GAN: variants seen among roughly 807,000 people sequenced by gnomAD.
GAN encodes epididymis secretory sperm binding protein.
In GAN, 48 loss-of-function variants were observed where a neutral mutation model predicts 71.3. The ratio of observed to expected loss-of-function variants is 0.67; its 90% CI spans 0.53 to 0.86. GAN has a LOEUF of 0.86. Ranked by LOEUF, GAN falls within the 40% of genes least tolerant of loss-of-function variation. The pLI is 0.00. For synonymous variants in GAN, 386 were observed against 276.8 expected, an observed-to-expected ratio of 1.39 and a Z score of -3.92; for missense variants, 928 against 770.1, an observed-to-expected ratio of 1.21 and a Z score of -2.43.
intron 9 of GAN, among the ~76,000 whole-genome samples, chr16:81,367,495 C>T (rs949669487): frequency 6.6e-6 from 1 of 152,168 alleles, no homozygotes; most frequent in African/African-American, 2.4e-5. Flanking sequence ...TGTCACTGCA[C>T]TCCAGCCTGG....
Position 81,379,226 on chromosome 16 carries a change from C to G in GAN, c.*1630C>G, listed in dbSNP as rs949148432. The G allele has an allele frequency of 6.6e-6, 1 of 152,068 alleles. No homozygotes were observed. The highest frequency in any genetic ancestry group is 2.4e-5 in the African/African-American group (1 of 41,408). 9.4% of individuals were successfully genotyped at this position (152,068 alleles called of 1,614,324 possible). On this transcript the variant is annotated 3_prime_UTR_variant, in exon 11 of 11. Transcript: ENST00000648994. ...TCACTTACGTTCTCCCACCCATAGA[C>G]ATAAAAAAGGGTGACCTGTGATTTT...
intron 1 of GAN, among the ~76,000 whole-genome samples, chr16:81,331,299 G>A (rs1909569024): frequency 6.6e-6 from 1 of 152,164 alleles, no homozygotes; most frequent in African/African-American, 2.4e-5. Flanking sequence ...AAGGAAGGAA[G>A]GACAAACTGT....
chr16:81,384,334 C>T lies in GAN; in HGVS notation c.*6738C>T, dbSNP rs895431949. The T allele has an allele frequency of 1.3e-5, 2 of 150,968 alleles. No individual in the cohort carries two copies. Among genetic ancestry groups the T allele is most frequent in the African/African-American group, 4.9e-5 (2 of 41,132 alleles). 9.4% of individuals were successfully genotyped at this position (150,968 alleles called of 1,614,324 possible). A position where few individuals can be genotyped will look rare whatever the true frequency, so the allele number is the denominator to read the frequency against. ...AAAAAAAAGAAAAGAAAAAAAAGCA[C>T]TTACAACCAGGAGGAATAATAATTC... On this transcript the variant is annotated 3_prime_UTR_variant, in exon 11 of 11. Transcript: ENST00000648994.
chr16:81,317,802 A>C (rs574186639), intron 1 of GAN, among the ~76,000 whole-genome samples: 2 of 152,368 alleles, frequency 1.3e-5, no homozygotes, highest in African/African-American at 2.4e-5. Context: ...AATGTTTATC[A>C]AGCACTTTTA....
chr16:81,329,927 T>TC (rs1163358621), intron 1 of GAN, among the ~76,000 whole-genome samples: 1 of 152,020 alleles, frequency 6.6e-6, no homozygotes, highest in East Asian at 1.9e-4. Context: ...CCTAGCTCCC[T>TC]CCCCCAGCCA....
At chr16:81,348,472 T>G (rs530598786) in intron 1 of GAN, among the ~76,000 whole-genome samples, 12 of 152,332 alleles carry the variant, frequency 7.9e-5, no homozygotes, top group African/African-American at 2.9e-4. Flanking sequence ...TTTGCTTGAT[T>G]TTAAGAGCAG....
chr16:81,328,863 A>G (rs1014019163), intron 1 of GAN, among the ~76,000 whole-genome samples: 10 of 152,356 alleles, frequency 6.6e-5, no homozygotes, highest in Admixed American at 2.0e-4. Context: ...TGCAAGCCAC[A>G]TGTGGTCTTG....
intron 1 of GAN, among the ~76,000 whole-genome samples, chr16:81,335,350 TC>T (rs1909719735): frequency 6.6e-6 from 1 of 152,164 alleles, no homozygotes; most frequent in South Asian, 2.1e-4. Flanking sequence ...ACACAGTGGC[TC>T]ACACCTGTAA....
intron 9 of GAN, among the ~76,000 whole-genome samples, chr16:81,372,511 G>T (rs1911068541): frequency 6.6e-6 from 1 of 152,180 alleles, no homozygotes; most frequent in African/African-American, 2.4e-5. Context: ...AACACCTGAA[G>T]ATGTGATTCA....
At chr16:81,323,659 T>G (rs1909287909) in intron 1 of GAN, among the ~76,000 whole-genome samples, 1 of 152,218 alleles carries the variant, frequency 6.6e-6, no homozygotes, top group African/African-American at 2.4e-5. Context: ...AGGGAGTTGA[T>G]TACAGGTTTA....
rs545846863 is a variant in GAN at position 81,365,869 on chromosome 16, C to T, written c.1502+391C>T. Reference sequence around the variant, plus strand: ...TTAGAGATTTGCCTGGGCCACATAACAAGACCCTGTTCTCCAAAGAAAAAT... The same window carrying T: ...TTAGAGATTTGCCTGGGCCACATAATAAGACCCTGTTCTCCAAAGAAAAAT... On this transcript the variant is annotated intron_variant, in intron 9 of 10. Coordinates refer to ENST00000648994, the MANE Select transcript of GAN (RefSeq NM_022041.4). Among the ~76,000 whole-genome samples, 12 of 152,146 alleles carry T rather than the reference C, an allele frequency of 7.9e-5. No homozygotes were observed. In the East Asian group the frequency reaches 2.1e-3, roughly 27 times the overall value.
intron 9 of GAN, among the ~76,000 whole-genome samples, chr16:81,371,641 C>T (rs905677261): frequency 6.6e-6 from 1 of 152,142 alleles, no homozygotes; most frequent in African/African-American, 2.4e-5. Context: ...CTCTACCTCT[C>T]CTCTTTCTCA....
Position 81,387,611 on chromosome 16 carries a change from T to A in GAN, c.*10015T>A, listed in dbSNP as rs1187658775. On this transcript the variant is annotated 3_prime_UTR_variant, in exon 11 of 11. Transcript: ENST00000648994. ...CAGGTGGATCACTTGAGGTCAGGAG[T>A]TCAAGACTAGCCTGGCCAACATGGT... 4 of 151,662 alleles carry A rather than the reference T, an allele frequency of 2.6e-5. No individual in the cohort carries two copies. The highest frequency in any genetic ancestry group is 7.3e-5 in the African/African-American group (3 of 41,058). The allele number at this position is 151,662 out of a possible 1,614,324, so 9.4% of individuals were successfully genotyped here. A position where few individuals can be genotyped will look rare whatever the true frequency, so the allele number is the denominator to read the frequency against.
intron 9 of GAN, among the ~76,000 whole-genome samples, chr16:81,368,833 T>G (rs893548280): frequency 1.3e-5 from 2 of 152,212 alleles, no homozygotes; most frequent in Non-Finnish European, 2.9e-5. Context: ...CTGACAAAAA[T>G]CAGCCAGGCA....
rs568710475 is a variant in GAN at position 81,365,843 on chromosome 16, GT to G, written c.1502+367del. 1.3e-3 allele frequency among the ~76,000 whole-genome samples: 202 copies of G among 152,156 alleles called. 1 individual carries two copies. Among genetic ancestry groups the G allele is most frequent in the Admixed American group, 2.5e-3 (38 of 15,284 alleles). ...AACTGAAGATTGCTTGAGCCCAGGAGTTAGAGATTTGCCTGGGCCACATAAC... is the reference window on the plus strand; with the variant it reads ...AACTGAAGATTGCTTGAGCCCAGGAGTAGAGATTTGCCTGGGCCACATAAC... On this transcript the variant is annotated intron_variant, in intron 9 of 10. Coordinates refer to ENST00000648994, the MANE Select transcript of GAN (RefSeq NM_022041.4).
In GAN at chr16:81,354,487, G is replaced by C; in HGVS notation, c.365G>C (p.Cys122Ser). 1 of 1,614,036 alleles carries C rather than the reference G, an allele frequency of 6.2e-7. No individual in the cohort carries two copies. The highest frequency in any genetic ancestry group is 8.5e-7 in the Non-Finnish European group (1 of 1,179,882). The stretch of plus-strand genomic sequence containing the variant: ...CTGACGGACCTTAAAACCCTGTGCT[G>C]TGAGTTTTTGGAAGGCTGCATTGCT... ...LLLTDLKTLC[C>S]EFLEGCIAAE... Residue 122 changes from cysteine (C) to serine (S), a missense_variant, in exon 3 of 11, where the codon TGT (cysteine) becomes TCT (serine). By Grantham distance (112) the Cys-to-Ser change is moderately radical. Transcript: ENST00000648994.
At chr16:81,343,779 A>G (rs1408374961) in intron 1 of GAN, among the ~76,000 whole-genome samples, 5 of 152,226 alleles carry the variant, frequency 3.3e-5, no homozygotes, top group Non-Finnish European at 7.3e-5. Flanking sequence ...GCAATCAGGC[A>G]AGAGAAAGCA....
chr16:81,323,453 G>C (rs1340650698), intron 1 of GAN, among the ~76,000 whole-genome samples: 3 of 152,174 alleles, frequency 2.0e-5, no homozygotes, highest in Admixed American at 6.5e-5. Flanking sequence ...AATATTCACT[G>C]TCATAATAAG....
chr16:81,374,341 A>G (rs1225481153), intron 9 of GAN, among the ~76,000 whole-genome samples: 1 of 152,212 alleles, frequency 6.6e-6, no homozygotes, highest in African/African-American at 2.4e-5. Flanking sequence ...ATTATTAAAT[A>G]CTTTTGTGGA....
Sources: gnomAD v4.1 joint callset for allele counts (sites outside exome capture counted in the v4.1 genomes callset) on GRCh38, gnomAD v4.1.1 for gene constraint, MANE v1.5 for transcripts, NCBI Gene and HGNC (gene_info 2026-07-23, HGNC 2026-07-21) for gene names.